TTC3: variants seen among roughly 807,000 people sequenced by gnomAD.
TTC3 encodes E3 ubiquitin-protein ligase TTC3.
Under a neutral mutation model 249.6 loss-of-function variants are expected in TTC3, and 180 were observed. The ratio of observed to expected loss-of-function variants is 0.72; its 90% CI spans 0.64 to 0.82. The LOEUF is 0.82. Among genes scored for constraint, TTC3 ranks in the 40% least tolerant of loss-of-function variants. TTC3 has a pLI of 0.00. For synonymous variants in TTC3, 717 were observed against 805.0 expected (o/e 0.89, Z 1.85); for missense variants, 2,061 against 2,398.4 (o/e 0.86, Z 2.94).
intron 20 of TTC3, among the ~76,000 whole-genome samples, chr21:37,142,440 A>G (rs948809819): frequency 1.3e-5 from 2 of 152,214 alleles, no homozygotes; most frequent in East Asian, 1.9e-4. Flanking sequence ...AATCACAAGC[A>G]TTCTTATACA....
chr21:37,135,944 A>G (rs181462110), intron 18 of TTC3, among the ~76,000 whole-genome samples: 1 of 152,066 alleles, frequency 6.6e-6, no homozygotes, highest in Admixed American at 6.6e-5. Flanking sequence ...TGCTCACCTC[A>G]TGTCTCTGTG....
At chr21:37,191,802 T>G (rs1034135856) in intron 40 of TTC3, among the ~76,000 whole-genome samples, 1 of 152,200 alleles carries the variant, frequency 6.6e-6, no homozygotes, top group South Asian at 2.1e-4. Context: ...TTGGTCAGGC[T>G]GGTGTCGATC....
At chr21:37,087,970 T>A (rs1258094721) in intron 3 of TTC3, 95 bp downstream of exon 3, 1 of 1,042,764 alleles carries the variant, frequency 9.6e-7, no homozygotes, top group Non-Finnish European at 1.4e-6. Context: ...TTTATATGCC[T>A]TTTAAAAATG....
chr21:37,196,979 G>A (rs2084981113), intron 42 of TTC3, among the ~76,000 whole-genome samples: 1 of 152,238 alleles, frequency 6.6e-6, no homozygotes, highest in African/African-American at 2.4e-5. Flanking sequence ...GTTGTTACGA[G>A]GGGGACAGAG....
chr21:37,174,569 A>G (rs1485443542), intron 35 of TTC3, among the ~76,000 whole-genome samples: 1 of 152,202 alleles, frequency 6.6e-6, no homozygotes, highest in Admixed American at 6.5e-5. Context: ...TGCTGAGGTT[A>G]TGAGCTAACC....
intron 1 of TTC3, among the ~76,000 whole-genome samples, chr21:37,076,998 A>G (rs966059225): frequency 2.6e-5 from 4 of 152,030 alleles, no homozygotes; most frequent in African/African-American, 9.7e-5. Flanking sequence ...CCTGGCCTAC[A>G]AAGGGATAAT....
At chr21:37,104,000 G>GTGGA (rs774817453) in intron 10 of TTC3, among the ~76,000 whole-genome samples, 12 of 152,164 alleles carry the variant, frequency 7.9e-5, no homozygotes, top group Non-Finnish European at 1.5e-4. Context: ...GGGATGTAGT[G>GTGGA]TGGATGTAGG....
At chr21:37,198,946 A>G (rs747168200) in intron 44 of TTC3, among the ~76,000 whole-genome samples, 1 of 152,066 alleles carries the variant, frequency 6.6e-6, no homozygotes, top group Non-Finnish European at 1.5e-5. Context: ...AGTTAAGTGT[A>G]TATTTTTTTC....
At chr21:37,156,630 G>T in intron 27 of TTC3, 25 bp from the exon 28 acceptor site, 2 of 1,587,392 alleles carry the variant, frequency 1.3e-6, no homozygotes, top group South Asian at 2.3e-5. Flanking sequence ...CTCCTCTTCT[G>T]ATTTGGGTTT....
intron 18 of TTC3, 83 bp downstream of exon 18, chr21:37,135,597 T>A: frequency 6.7e-7 from 1 of 1,491,876 alleles, no homozygotes. Context: ...CTTAACTCAT[T>A]GTAGTAATGT....
At chr21:37,177,539 G>A (rs953042444) in intron 35 of TTC3, among the ~76,000 whole-genome samples, 1 of 152,084 alleles carries the variant, frequency 6.6e-6, no homozygotes, top group Non-Finnish European at 1.5e-5. Flanking sequence ...TTCATCTTCC[G>A]CCTTCTCCCT....
At chr21:37,110,908 C>T (rs1189306253) in intron 11 of TTC3, among the ~76,000 whole-genome samples, 1 of 152,180 alleles carries the variant, frequency 6.6e-6, no homozygotes, top group Admixed American at 6.5e-5. Flanking sequence ...ATTCAACATT[C>T]TTAAAGAAAA....
At position 37,143,806 on chromosome 21, in the gene TTC3, C is replaced by T. The variant is rs546328258; in HGVS notation, c.1773-719C>T. Among the ~76,000 whole-genome samples, 88 of 121,522 alleles carry T rather than the reference C, an allele frequency of 7.2e-4. 3 individuals carry two copies. The highest frequency in any genetic ancestry group is 2.8e-3 in the African/African-American group (81 of 29,122). The allele number at this position is 121,522 out of a possible 152,430, so 79.7% of individuals were successfully genotyped here. A position where few individuals can be genotyped will look rare whatever the true frequency, so the allele number is the denominator to read the frequency against. Reference sequence around the variant, plus strand: ...GACACATGCACACATATGTTTATTGCGGCACTATTCACAATAGCAAAGACT... The same window carrying T: ...GACACATGCACACATATGTTTATTGTGGCACTATTCACAATAGCAAAGACT... On this transcript the variant is annotated intron_variant, in intron 20 of 45. Transcript: ENST00000355666.
chr21:37,198,419 T>C (rs1393603875), intron 44 of TTC3, among the ~76,000 whole-genome samples: 1 of 152,226 alleles, frequency 6.6e-6, no homozygotes, highest in Non-Finnish European at 1.5e-5. Context: ...AACCATGGCT[T>C]TGGAATTACA....
chr21:37,120,131 T>C (rs1255412624), intron 11 of TTC3, among the ~76,000 whole-genome samples: 1 of 152,216 alleles, frequency 6.6e-6, no homozygotes, highest in Non-Finnish European at 1.5e-5. Flanking sequence ...CTGCTGTTAC[T>C]GTGAGAAGTG....
chr21:37,140,521 C>G (rs377726716), intron 19 of TTC3, 40 bp from the exon 20 acceptor site: 12 of 1,291,708 alleles, frequency 9.3e-6, no homozygotes, highest in African/African-American at 3.1e-5. Context: ...CAGTATTTCT[C>G]TTTGTATGTA....
chr21:37,128,858 T>G (rs1229791490), intron 15 of TTC3, 145 bp from the exon 16 acceptor site: 29 of 414,526 alleles, frequency 7.0e-5, no homozygotes, highest in Non-Finnish European at 1.3e-5. Context: ...GCTTCTTTTT[T>G]GGCTTACCCT....
exon 16 of TTC3, chr21:37,129,051 C>T: frequency 1.3e-6 from 2 of 1,590,924 alleles, no homozygotes; most frequent in African/African-American, 2.7e-5. Context: ...AACAATGAAT[C>T]AGAAAAGTTC....
intron 9 of TTC3, 34 bp downstream of exon 9, chr21:37,095,478 C>T (rs772184103): frequency 7.4e-7 from 1 of 1,354,918 alleles, no homozygotes; most frequent in Non-Finnish European, 1.0e-6. Flanking sequence ...GATGCTTTTT[C>T]TATGGCACAT....
Sources: gnomAD v4.1 joint callset for allele counts (sites outside exome capture counted in the v4.1 genomes callset) on GRCh38, gnomAD v4.1.1 for gene constraint, MANE v1.5 for transcripts, NCBI Gene and HGNC (gene_info 2026-07-23, HGNC 2026-07-21) for gene names.